DENND2A: variants seen among roughly 807,000 people sequenced by gnomAD.
DENND2A encodes the protein DENN domain-containing protein 2A.
Under a neutral mutation model 105.3 loss-of-function variants are expected in DENND2A, and 53 were observed. The ratio of observed to expected loss-of-function variants is 0.50; its 90% confidence interval spans 0.40 to 0.63. The LOEUF is 0.63. Ranked by LOEUF, DENND2A falls within the 30% of genes least tolerant of loss-of-function variation. The probability of loss-of-function intolerance (pLI) is 0.00; values close to 1 mark genes in which losing one functional copy is unlikely to be tolerated. For synonymous variants in DENND2A, 522 were observed against 508.4 expected (o/e 1.03, Z -0.36); for missense variants, 1,138 against 1,279.6 (o/e 0.89, Z 1.69).
At position 140,518,520 on chromosome 7, in the gene DENND2A, T is replaced by G. The variant is rs1052577247; in HGVS notation, c.*187A>C. The G allele has an allele frequency of 2.0e-6, 1 of 511,074 alleles. No individual in the cohort carries two copies. Among genetic ancestry groups the G allele is most frequent in the African/African-American group, 2.0e-5 (1 of 50,384 alleles). The allele number at this position is 511,074 out of a possible 1,614,324, so 31.7% of individuals were successfully genotyped here. Reference sequence around the variant, plus strand: ...CACGCCTGGTCTCGGGCTCCCTTTCTGGGGCTGTCCTCCCAGGCGGCTCCC... The same window carrying G: ...CACGCCTGGTCTCGGGCTCCCTTTCGGGGGCTGTCCTCCCAGGCGGCTCCC... On this transcript the variant is annotated 3_prime_UTR_variant, in exon 20 of 20. Coordinates refer to ENST00000496613, the MANE Select transcript of DENND2A (RefSeq NM_015689.5).
In DENND2A at chr7:140,635,070, C is replaced by T. The variant is rs569794692; in HGVS notation, c.-248+5434G>A. 1.9e-4 allele frequency among the ~76,000 whole-genome samples: 29 copies of T among 152,098 alleles called. No homozygotes were observed. In the East Asian group the frequency reaches 5.4e-3, roughly 28 times the overall value. ...TTGAGTCCAGGAGTTTGAGACCAGC[C>T]TGGGCAACATGGGGAAACTCTGTCT... On this transcript the variant is annotated intron_variant, in intron 1 of 19. Coordinates refer to ENST00000496613, the MANE Select transcript of DENND2A (RefSeq NM_015689.5).
intron 4 of DENND2A, among the ~76,000 whole-genome samples, chr7:140,586,928 T>C (rs1798807357): frequency 6.6e-6 from 1 of 152,106 alleles, no homozygotes; most frequent in Non-Finnish European, 1.5e-5. Context: ...GCTTGTTTCT[T>C]CCCCCACCTT....
Position 140,559,843 on chromosome 7 carries a change from T to G in DENND2A, c.1780-26A>C. On this transcript the variant is annotated intron_variant, in intron 9 of 19. Transcript: ENST00000496613. The surrounding 1 kb of genome is among the most constrained non-coding windows in gnomAD (Gnocchi z 4.1). ...CTGCAGGGAGAAAGGTGAGAGAAAA[T>G]TCGAGAACAAATCTCAGCATGGGAA... The G allele has an allele frequency of 6.5e-7, 1 of 1,550,116 alleles. No individual in the cohort carries two copies. Among genetic ancestry groups the G allele is most frequent in the Non-Finnish European group, 8.9e-7 (1 of 1,122,498 alleles).
intron 5 of DENND2A, among the ~76,000 whole-genome samples, chr7:140,582,692 G>A (rs1260178007): frequency 6.6e-6 from 1 of 152,200 alleles, no homozygotes. Flanking sequence ...AAGCACAGGA[G>A]ACAGGCTTCA....
At chr7:140,575,377 G>A (rs947152457) in intron 5 of DENND2A, among the ~76,000 whole-genome samples, 10 of 152,136 alleles carry the variant, frequency 6.6e-5, no homozygotes, top group African/African-American at 2.2e-4. Flanking sequence ...AGGGTTGGTG[G>A]GAGCATCACT....
At chr7:140,633,470 AC>A (rs1420901537) in intron 1 of DENND2A, among the ~76,000 whole-genome samples, 2 of 152,080 alleles carry the variant, frequency 1.3e-5, no homozygotes, top group Non-Finnish European at 2.9e-5. Context: ...CTCTCTTTTT[AC>A]TTTCTCTACA....
At chr7:140,549,849 T>A (rs923190613) in intron 12 of DENND2A, among the ~76,000 whole-genome samples, 16 of 152,156 alleles carry the variant, frequency 1.1e-4, no homozygotes, top group African/African-American at 3.6e-4. Context: ...ACAACCCAAA[T>A]GTCCATCAAT....
At chr7:140,607,142 C>A (rs1799721002) in intron 1 of DENND2A, among the ~76,000 whole-genome samples, 1 of 152,176 alleles carries the variant, frequency 6.6e-6, no homozygotes, top group African/African-American at 2.4e-5. Flanking sequence ...ACTCCTTCTT[C>A]AGTTTCCAGG....
chr7:140,603,842 T>C (rs1368406254), intron 2 of DENND2A, among the ~76,000 whole-genome samples: 1 of 152,238 alleles, frequency 6.6e-6, no homozygotes, highest in African/African-American at 2.4e-5. Flanking sequence ...ATGTGGCTGA[T>C]GGCTACCGTA....
At chr7:140,600,288 G>A (rs1222979823) in intron 3 of DENND2A, among the ~76,000 whole-genome samples, 4 of 151,928 alleles carry the variant, frequency 2.6e-5, no homozygotes, top group Non-Finnish European at 4.4e-5. Context: ...GGGGCTGAAT[G>A]CCTCAATTTG....
chr7:140,631,172 C>T (rs926239851), intron 1 of DENND2A, among the ~76,000 whole-genome samples: 9 of 152,188 alleles, frequency 5.9e-5, no homozygotes, highest in African/African-American at 1.4e-4. Context: ...TGGCCACAGA[C>T]GAACCATTAG....
intron 3 of DENND2A, among the ~76,000 whole-genome samples, chr7:140,601,010 G>A (rs1799464046): frequency 6.6e-6 from 1 of 152,164 alleles, no homozygotes; most frequent in Admixed American, 6.5e-5. Flanking sequence ...GACACTGATA[G>A]GGCCAGTGTA....
intron 5 of DENND2A, among the ~76,000 whole-genome samples, chr7:140,581,311 A>G (rs1798532222): frequency 6.6e-6 from 1 of 152,186 alleles, no homozygotes; most frequent in African/African-American, 2.4e-5. Flanking sequence ...AGAAAAGAAA[A>G]CAGTCCCTTT....
At chr7:140,590,074 G>A (rs1269397667) in intron 3 of DENND2A, among the ~76,000 whole-genome samples, 2 of 152,110 alleles carry the variant, frequency 1.3e-5, no homozygotes, top group African/African-American at 2.4e-5. Context: ...AAATCTCAGC[G>A]GATGACTCGC....
chr7:140,539,994 G>A (rs891914383), intron 14 of DENND2A, among the ~76,000 whole-genome samples: 1 of 152,244 alleles, frequency 6.6e-6, no homozygotes, highest in Non-Finnish European at 1.5e-5. Context: ...GCCATGCGGG[G>A]CCGCGTCTTA....
chr7:140,628,261 A>T (rs1414440020), intron 1 of DENND2A, among the ~76,000 whole-genome samples: 1 of 152,228 alleles, frequency 6.6e-6, no homozygotes, highest in Non-Finnish European at 1.5e-5. Flanking sequence ...TTAGAAGGTG[A>T]CCTGATCCCC....
rs917294813 is a variant in DENND2A, at chr7:140,605,685, C to T, written c.-146+20G>A. 1.3e-5 allele frequency: 2 copies of T among 152,118 alleles called. No individual in the cohort carries two copies. The highest frequency in any genetic ancestry group is 2.4e-5 in the African/African-American group (1 of 41,388). 9.4% of individuals were successfully genotyped at this position (152,118 alleles called of 1,614,324 possible). On this transcript the variant is annotated intron_variant, in intron 2 of 19. Transcript: ENST00000496613. ...GAAGCTGGGTCAGCGTCTACACTCTCGGGGGAGAAGTGTTCTTACTTGTCA... is the reference window on the plus strand; with the variant it reads ...GAAGCTGGGTCAGCGTCTACACTCTTGGGGGAGAAGTGTTCTTACTTGTCA...
chr7:140,524,420 T>A (rs1020446144), intron 16 of DENND2A, among the ~76,000 whole-genome samples: 2 of 152,276 alleles, frequency 1.3e-5, no homozygotes, highest in African/African-American at 4.8e-5. Context: ...ACTAAAACAA[T>A]TTAAAATCAC....
At position 140,602,042 on chromosome 7, in the gene DENND2A, C is replaced by T. The variant is rs201559363; in HGVS notation, c.356G>A (p.Gly119Glu). 3 of 1,614,060 alleles carry T rather than the reference C, an allele frequency of 1.9e-6. No homozygotes were observed. In the East Asian group the frequency reaches 6.7e-5, roughly 36 times the overall value. The stretch of plus-strand genomic sequence containing the variant: ...GTCTTGCCCCGGCTCTGGGTCCTGT[C>T]CCCCGACGTTCACTGCTCCTTTATT... ...ERNKGAVNVG[G>E]QDPEPGQDLS... is the part of the protein sequence containing the mutation. The change falls in exon 3 of 20, where the codon GGA becomes GAA. Residue 119 changes from glycine (G) to glutamate (E), a missense_variant. Physicochemically the swap from Gly to Glu is moderately conservative, Grantham distance 98. Transcript: ENST00000496613.
Sources: gnomAD v4.1 joint callset for allele counts (sites outside exome capture counted in the v4.1 genomes callset) on GRCh38, gnomAD v4.1.1 for gene constraint, Gnocchi (gnomAD v3.1) non-coding constraint, MANE v1.5 for transcripts, NCBI Gene and HGNC (gene_info 2026-07-23, HGNC 2026-07-21) for gene names.